Variants in RGS5 observed in about 807,000 individuals in gnomAD.
RGS5 encodes the protein regulator of G protein signaling 5.
RGS5 carries 20 observed loss-of-function variants against 18.9 expected under a neutral mutation model. The ratio of observed to expected loss-of-function variants is 1.06; its 90% CI spans 0.74 to 1.54. The LOEUF (loss-of-function observed/expected upper bound fraction) is 1.54, where lower values mean the gene tolerates loss of function less well. RGS5 is among the 40% of genes most tolerant of loss of function. The pLI is 0.00. For missense variants in RGS5, 201 were observed against 211.8 expected (o/e 0.95, Z 0.32); for synonymous variants, 57 against 76.2 (o/e 0.75, Z 1.31).
chr1:163,172,920 TC>T (rs1437516974), intron 1 of RGS5, among the ~76,000 whole-genome samples: 1 of 152,178 alleles, frequency 6.6e-6, no homozygotes, highest in African/African-American at 2.4e-5. Flanking sequence ...TATTATTTCA[TC>T]CCCCGTTTCC....
chr1:163,267,770 G>A (rs1648606503), intron 2 of RGS5, among the ~76,000 whole-genome samples: 1 of 152,068 alleles, frequency 6.6e-6, no homozygotes, highest in African/African-American at 2.4e-5. Context: ...AAGTGAAAAT[G>A]ACATTTTCTG....
intron 1 of RGS5, among the ~76,000 whole-genome samples, chr1:163,188,329 A>C (rs888808158): frequency 1.3e-5 from 2 of 152,172 alleles, no homozygotes; most frequent in African/African-American, 4.8e-5. Context: ...GTTCAGGCAT[A>C]AGTTTGTCTG....
intron 2 of RGS5, among the ~76,000 whole-genome samples, chr1:163,242,591 A>C (rs1036726822): frequency 6.6e-6 from 1 of 152,242 alleles, no homozygotes; most frequent in African/African-American, 2.4e-5. Flanking sequence ...AAAGATGTTT[A>C]AGACTTAGGA....
At chr1:163,217,606 G>A (rs986752148) in exon 1 of RGS5, 1 of 1,542,664 alleles carries the variant, frequency 6.5e-7, no homozygotes, top group Non-Finnish European at 8.7e-7. Context: ...TTTCACTGAG[G>A]TTTTGTTTCT....
intron 1 of RGS5, chr1:163,217,390 T>C: frequency 1.1e-6 from 1 of 885,048 alleles, no homozygotes. Flanking sequence ...GCACTTTTCC[T>C]CCCATCAAAG....
At chr1:163,280,352 A>C (rs1030126521) in intron 2 of RGS5, among the ~76,000 whole-genome samples, 3 of 152,170 alleles carry the variant, frequency 2.0e-5, no homozygotes, top group African/African-American at 7.2e-5. Flanking sequence ...AGGATGTTTC[A>C]ACATATGCAA....
At chr1:163,152,184 C>T (rs1189023052) in intron 4 of RGS5, among the ~76,000 whole-genome samples, 2 of 152,100 alleles carry the variant, frequency 1.3e-5, no homozygotes, top group African/African-American at 4.8e-5. Flanking sequence ...TAAGTTTTTA[C>T]ACCCACTATT....
chr1:163,178,262 G>T (rs1658651617), intron 1 of RGS5, among the ~76,000 whole-genome samples: 1 of 152,150 alleles, frequency 6.6e-6, no homozygotes, highest in Admixed American at 6.5e-5. Flanking sequence ...AGTGAACTGA[G>T]ATGGTGCCAC....
intron 1 of RGS5, among the ~76,000 whole-genome samples, chr1:163,189,131 T>C (rs541654857): frequency 2.0e-5 from 3 of 152,294 alleles, no homozygotes; most frequent in Admixed American, 2.0e-4. Context: ...ACTCACTGAA[T>C]ATGCCTGTAT....
At chr1:163,177,961 C>T (rs1469501093) in intron 1 of RGS5, among the ~76,000 whole-genome samples, 1 of 152,086 alleles carries the variant, frequency 6.6e-6, no homozygotes, top group Non-Finnish European at 1.5e-5. Context: ...CCAGCTTGTT[C>T]CCAGAGAGAA....
At chr1:163,179,153 C>T (rs1189768793) in intron 1 of RGS5, among the ~76,000 whole-genome samples, 1 of 152,142 alleles carries the variant, frequency 6.6e-6, no homozygotes, top group Non-Finnish European at 1.5e-5. Flanking sequence ...CCAATTAATA[C>T]CAAAACTAAA....
chr1:163,243,654 A>AAAC (rs1553223265), intron 2 of RGS5, among the ~76,000 whole-genome samples: 3 of 150,980 alleles, frequency 2.0e-5, no homozygotes, highest in African/African-American at 7.3e-5. Context: ...AAAAAAAAAA[A>AAAC]AAAAAAAAAA....
At chr1:163,260,783 T>C (rs536831620) in intron 2 of RGS5, 2 of 152,212 alleles carry the variant, frequency 1.3e-5, no homozygotes, top group African/African-American at 2.4e-5. Context: ...CTTTTGATTA[T>C]TGCCTGTTTC....
In RGS5 at chr1:163,240,628, C is replaced by CACCTTAGT. The variant is rs1185008803; in HGVS notation, c.-281+65597_-281+65604dup. Reference sequence around the variant, plus strand: ...AACTCTAGGGCTCAAGTGATCCTCCCACCTTAGTCTCTCAAGTAGCTGGGA... The same window carrying CACCTTAGT: ...AACTCTAGGGCTCAAGTGATCCTCCCACCTTAGTACCTTAGTCTCTCAAGTAGCTGGGA... On this transcript the variant is annotated intron_variant, in intron 2 of 5. Transcript: ENST00000618415. Among the ~76,000 whole-genome samples the CACCTTAGT allele has an allele frequency of 2.6e-5, 4 of 152,180 alleles. No individual in the cohort carries two copies. In the East Asian group the frequency reaches 7.7e-4, roughly 29 times the overall value.
At chr1:163,182,654 T>G (rs1471402070) in intron 1 of RGS5, among the ~76,000 whole-genome samples, 1 of 152,152 alleles carries the variant, frequency 6.6e-6, no homozygotes, top group African/African-American at 2.4e-5. Flanking sequence ...TGGCTGGACT[T>G]TTGGCAATTC....
intron 2 of RGS5, among the ~76,000 whole-genome samples, chr1:163,267,861 A>G (rs1324214631): frequency 6.6e-6 from 1 of 152,150 alleles, no homozygotes; most frequent in Non-Finnish European, 1.5e-5. Context: ...CCCTTCATAA[A>G]TTTCATTCAT....
At chr1:163,220,000 A>T (rs763139647), upstream of RGS5, among the ~76,000 whole-genome samples, 1 of 152,194 alleles carries the variant, frequency 6.6e-6, no homozygotes, top group Non-Finnish European at 1.5e-5. Flanking sequence ...GTTTTTCAGA[A>T]TGCCTGAACC....
chr1:163,145,652 C>T lies in RGS5; in HGVS notation c.*1690G>A, dbSNP rs1657103358. 6.6e-6 allele frequency: 1 copy of T among 152,150 alleles called. No homozygotes were observed. The highest frequency in any genetic ancestry group is 2.1e-4 in the South Asian group (1 of 4,832). 9.4% of individuals were successfully genotyped at this position (152,150 alleles called of 1,614,324 possible). A position where few individuals can be genotyped will look rare whatever the true frequency, so the allele number is the denominator to read the frequency against. ...TGGCAGAACACCCAACCACTCTACC[C>T]AGTTTCAGAATGTGAAATGGCATGT... On this transcript the variant is annotated 3_prime_UTR_variant, in exon 5 of 5. Transcript: ENST00000313961.
intron 2 of RGS5, among the ~76,000 whole-genome samples, chr1:163,223,647 C>T (rs1318960156): frequency 6.6e-6 from 1 of 152,176 alleles, no homozygotes; most frequent in African/African-American, 2.4e-5. Context: ...ACCTTTTTAG[C>T]ACTACTTCCA....
Sources: gnomAD v4.1 joint callset for allele counts (sites outside exome capture counted in the v4.1 genomes callset) on GRCh38, gnomAD v4.1.1 for gene constraint, MANE v1.5 for transcripts, NCBI Gene and HGNC (gene_info 2026-07-23, HGNC 2026-07-21) for gene names.